The following MRC1 variants were observed in gnomAD, a reference collection of about 807,000 sequenced individuals.
MRC1 encodes mannose receptor C-type 1, also known as macrophage mannose receptor 1.
Under a neutral mutation model 102.9 loss-of-function variants are expected in MRC1, and 62 were observed. That is an observed-to-expected ratio of 0.60 (90% CI 0.49 to 0.74). The LOEUF is 0.74. Ranked by LOEUF, MRC1 falls within the 30% of genes least tolerant of loss-of-function variation. MRC1 has a pLI of 0.00. For synonymous variants in MRC1, 457 were observed against 298.4 expected, an observed-to-expected ratio of 1.53 and a Z score of -5.48; for missense variants, 1,237 against 862.8, an observed-to-expected ratio of 1.43 and a Z score of -5.43.
intron 12 of MRC1, among the ~76,000 whole-genome samples, chr10:17,869,020 T>C (rs1833318135): frequency 6.6e-6 from 1 of 152,170 alleles, no homozygotes; most frequent in Admixed American, 6.5e-5. Flanking sequence ...TGGAGATTTA[T>C]TGCAGTTTTC....
chr10:17,812,986 T>G (rs1054886173), intron 1 of MRC1, among the ~76,000 whole-genome samples: 32,583 of 151,792 alleles, frequency 0.21, 3,675 homozygotes, highest in South Asian at 0.31. Flanking sequence ...GCCTAGAACA[T>G]CTGCAAAAAA....
intron 11 of MRC1, among the ~76,000 whole-genome samples, chr10:17,865,090 G>T (rs1385227092): frequency 1.3e-5 from 2 of 152,118 alleles, no homozygotes; most frequent in Non-Finnish European, 2.9e-5. Context: ...TGTTTAATAT[G>T]ACAACACACA....
At chr10:17,866,835 A>G (rs1833275895) in intron 12 of MRC1, 74 bp downstream of exon 12, 4 of 775,796 alleles carry the variant, frequency 5.2e-6, no homozygotes, top group Admixed American at 1.7e-5. Context: ...AAGGACATAG[A>G]AAACAAACAA....
Position 17,849,587 on chromosome 10 carries a change from G to A in MRC1, c.1072G>A (p.Val358Met), listed in dbSNP as rs1838881577. ...NSFVIPSESDVPTHCPSQWWP... is the reference protein window; with the variant it reads ...NSFVIPSESDMPTHCPSQWWP... ...CCCCTTTTTGTTTCTAGAAAGTGAT[G>A]TGCCTACTCACTGTCCTAGTCAGTG... Residue 358 changes from valine (V) to methionine (M), a missense_variant, in exon 7 of 30, where the codon GTG becomes ATG. By Grantham distance (21) the Val-to-Met change is conservative. Transcript: ENST00000569591. 1 of 779,180 alleles carries A rather than the reference G, an allele frequency of 1.3e-6. No homozygotes were observed. The highest frequency in any genetic ancestry group is 2.4e-6 in the Non-Finnish European group (1 of 417,410). 48.3% of individuals were successfully genotyped at this position (779,180 alleles called of 1,614,324 possible).
At chr10:17,838,509 T>A (rs1429756819) in intron 4 of MRC1, among the ~76,000 whole-genome samples, 1 of 152,028 alleles carries the variant, frequency 6.6e-6, no homozygotes, top group Non-Finnish European at 1.5e-5. Flanking sequence ...CCGATGGTTT[T>A]TACCAGTTTC....
intron 25 of MRC1, among the ~76,000 whole-genome samples, chr10:17,901,475 G>T (rs1243050282): frequency 6.6e-6 from 1 of 152,132 alleles, no homozygotes; most frequent in Non-Finnish European, 1.5e-5. Context: ...GATCACCTGA[G>T]GTCAGGAGGT....
chr10:17,825,121 C>G (rs1000021646), intron 2 of MRC1, among the ~76,000 whole-genome samples: 1 of 152,096 alleles, frequency 6.6e-6, no homozygotes, highest in Non-Finnish European at 1.5e-5. Context: ...CTCCTCAGTT[C>G]TAGCTCTGCA....
chr10:17,837,560 T>G (rs890060030), intron 4 of MRC1, among the ~76,000 whole-genome samples: 1 of 152,084 alleles, frequency 6.6e-6, no homozygotes, highest in Non-Finnish European at 1.5e-5. Flanking sequence ...ACTTTTAAAA[T>G]AAGTTTTCTT....
intron 25 of MRC1, 55 bp from the exon 26 acceptor site, chr10:17,901,918 A>G (rs1833834649): frequency 1.3e-6 from 1 of 780,844 alleles, no homozygotes; most frequent in Non-Finnish European, 2.4e-6. Context: ...GTATGATGCT[A>G]CACACTACAG....
chr10:17,879,617 C>T (rs911478502), intron 18 of MRC1, 104 bp from the exon 19 acceptor site: 5 of 779,704 alleles, frequency 6.4e-6, no homozygotes, highest in Admixed American at 1.7e-5. Context: ...CTCGCCTCGG[C>T]CTCCCATGGT....
chr10:17,898,348 A>C, intron 24 of MRC1, 82 bp downstream of exon 24: 2 of 779,636 alleles, frequency 2.6e-6, no homozygotes, highest in Non-Finnish European at 4.8e-6. Context: ...TGTTCTGTTG[A>C]ATACTCATTA....
intron 3 of MRC1, among the ~76,000 whole-genome samples, chr10:17,829,161 A>G (rs2130603923): frequency 6.6e-6 from 1 of 151,654 alleles, no homozygotes; most frequent in African/African-American, 2.4e-5. Context: ...TTGTGACACC[A>G]CCTGAGTAAC....
rs1833460185 is a variant in MRC1, at chr10:17,877,933, A to G, written c.2584A>G (p.Ile862Val). The change falls in exon 18 of 30, where the codon ATT becomes GTT. Residue 862 changes from isoleucine to valine, a missense_variant. Transcript: ENST00000569591. ...AAATGATGCACAGTCTGCATATTTT[A>G]TTGGTTTATTGATCAGCTTGGATAA... The part of the protein sequence containing the change: ...NRNDAQSAYF[I>V]GLLISLDKKF... 1 of 872,104 alleles carries G rather than the reference A, an allele frequency of 1.1e-6. No individual in the cohort carries two copies. Among genetic ancestry groups the G allele is most frequent in the Non-Finnish European group, 2.0e-6 (1 of 501,228 alleles). The allele number at this position is 872,104 out of a possible 1,614,324, so 54.0% of individuals were successfully genotyped here.
At chr10:17,867,383 C>T (rs1487125915) in intron 12 of MRC1, among the ~76,000 whole-genome samples, 3 of 134,678 alleles carry the variant, frequency 2.2e-5, no homozygotes, top group Non-Finnish European at 4.7e-5. Flanking sequence ...TCTTCTTCTT[C>T]TTCTCCTTCT....
intron 1 of MRC1, among the ~76,000 whole-genome samples, chr10:17,821,211 G>A (rs1838390081): frequency 6.6e-6 from 1 of 152,118 alleles, no homozygotes; most frequent in Non-Finnish European, 1.5e-5. Context: ...AGGAACCCAG[G>A]TGGCATAGAG....
chr10:17,885,725 C>G (rs1366518938), intron 22 of MRC1, among the ~76,000 whole-genome samples: 2 of 152,052 alleles, frequency 1.3e-5, no homozygotes, highest in East Asian at 3.9e-4. Context: ...TATCAACTTT[C>G]TTTGTATCAC....
chr10:17,909,798 C>T (rs1004419427), intron 29 of MRC1, among the ~76,000 whole-genome samples: 34 of 151,430 alleles, frequency 2.2e-4, no homozygotes, highest in African/African-American at 8.0e-4. Context: ...ATCATGAGTG[C>T]CGTTTGTTTA....
chr10:17,882,062 C>T (rs1243828551), intron 21 of MRC1, among the ~76,000 whole-genome samples: 4 of 151,826 alleles, frequency 2.6e-5, no homozygotes, highest in African/African-American at 7.3e-5. Context: ...ATGATGTTGT[C>T]GTCAAAAGAA....
chr10:17,814,074 A>C (rs1187047810), intron 1 of MRC1, among the ~76,000 whole-genome samples: 1 of 152,140 alleles, frequency 6.6e-6, no homozygotes, highest in African/African-American at 2.4e-5. Flanking sequence ...AGAAACTTAG[A>C]CCTCAGGGAC....
Sources: gnomAD v4.1 joint callset for allele counts (sites outside exome capture counted in the v4.1 genomes callset) on GRCh38, gnomAD v4.1.1 for gene constraint, MANE v1.5 for transcripts, NCBI Gene and HGNC (gene_info 2026-07-23, HGNC 2026-07-21) for gene names.